CCDC88A: variants seen among roughly 807,000 people sequenced by gnomAD.
CCDC88A encodes the protein girdin.
A neutral mutation model predicts 234.3 loss-of-function variants in CCDC88A; 54 were observed. The ratio of observed to expected loss-of-function variants is 0.23; its 90% CI spans 0.19 to 0.29. The LOEUF (loss-of-function observed/expected upper bound fraction) is 0.29, where lower values mean the gene tolerates loss of function less well. Ranked by LOEUF, CCDC88A falls within the 10% of genes least tolerant of loss-of-function variation. CCDC88A has a pLI of 1.00. For missense variants in CCDC88A, 1,832 were observed against 2,123.4 expected (o/e 0.86, Z 2.70); for synonymous variants, 753 against 737.8 (o/e 1.02, Z -0.33).
intron 12 of CCDC88A, among the ~76,000 whole-genome samples, chr2:55,341,136 CTTTCTTTTTT>C (rs1237567564): frequency 1.9e-5 from 2 of 107,948 alleles, no homozygotes; most frequent in Non-Finnish European, 3.7e-5. Context: ...GACAGAATTT[CTTTCTTTTTT>C]TTTTTTTTTT....
chr2:55,393,722 C>T lies in CCDC88A; in HGVS notation c.165-4836G>A, dbSNP rs565516564. On this transcript the variant is annotated intron_variant, in intron 2 of 32. Transcript: ENST00000436346. Reference sequence around the variant, plus strand: ...ACCATCAGTAAAGGACAGTTTATTTCCACCTTTTCAATCTTGCATTACATT... The same window carrying T: ...ACCATCAGTAAAGGACAGTTTATTTTCACCTTTTCAATCTTGCATTACATT... 3.9e-5 allele frequency among the ~76,000 whole-genome samples: 6 copies of T among 152,226 alleles called. No individual in the cohort carries two copies. The East Asian group carries it at 1.2e-3, about 29-fold the overall frequency.
chr2:55,375,469 C>CTATATATATATATATA (rs869279076), intron 3 of CCDC88A, among the ~76,000 whole-genome samples: 4 of 26,596 alleles, frequency 1.5e-4, no homozygotes, highest in African/African-American at 2.7e-4. Flanking sequence ...TGTCACTGTA[C>CTATATATATATATATA]TATATATATA....
chr2:55,304,926 GACAA>G (rs1448453205), intron 25 of CCDC88A, among the ~76,000 whole-genome samples: 2 of 152,120 alleles, frequency 1.3e-5, no homozygotes, highest in African/African-American at 4.8e-5. Context: ...CAGCTCTTTT[GACAA>G]ACTAACAAGT....
chr2:55,356,369 T>A (rs1333554587), intron 7 of CCDC88A: 1 of 152,206 alleles, frequency 6.6e-6, no homozygotes, highest in Non-Finnish European at 1.5e-5. Flanking sequence ...ATGGTTTATA[T>A]GTAACACAGT....
intron 32 of CCDC88A, 36 bp downstream of exon 32, chr2:55,291,640 G>C: frequency 2.1e-6 from 2 of 944,596 alleles, no homozygotes; most frequent in South Asian, 2.9e-5. Flanking sequence ...GTATAAATGA[G>C]ACTAATCTCA....
At chr2:55,354,991 T>C (rs1160204155) in intron 8 of CCDC88A, among the ~76,000 whole-genome samples, 2 of 149,508 alleles carry the variant, frequency 1.3e-5, no homozygotes, top group African/African-American at 2.5e-5. Context: ...TACTAGATGA[T>C]AGGGATTTTT....
chr2:55,357,605 A>T (rs1670763457), intron 7 of CCDC88A, among the ~76,000 whole-genome samples: 1 of 152,122 alleles, frequency 6.6e-6, no homozygotes, highest in African/African-American at 2.4e-5. Flanking sequence ...TTTCAGCTGT[A>T]CTACTATTCT....
At chr2:55,386,417 T>C (rs182720454) in intron 3 of CCDC88A, among the ~76,000 whole-genome samples, 210 of 152,132 alleles carry the variant, frequency 1.4e-3, no homozygotes, top group African/African-American at 4.7e-3. Flanking sequence ...CTGGGCAACA[T>C]AGTGAGACTC....
intron 2 of CCDC88A, among the ~76,000 whole-genome samples, chr2:55,393,907 T>A (rs1452998583): frequency 6.6e-6 from 1 of 152,216 alleles, no homozygotes; most frequent in East Asian, 1.9e-4. Flanking sequence ...TCCCTTCCAT[T>A]TCTATTCAAT....
intron 12 of CCDC88A, among the ~76,000 whole-genome samples, chr2:55,342,515 A>G (rs1668632890): frequency 6.6e-6 from 1 of 152,220 alleles, no homozygotes; most frequent in African/African-American, 2.4e-5. Flanking sequence ...ACTCTTAACT[A>G]ACACAGTAAT....
chr2:55,417,547 C>A (rs1454377834), intron 2 of CCDC88A: 1 of 151,774 alleles, frequency 6.6e-6, no homozygotes, highest in Non-Finnish European at 1.5e-5. Flanking sequence ...CTCTTTTTTC[C>A]TTTCTTAAGG....
intron 2 of CCDC88A, among the ~76,000 whole-genome samples, chr2:55,409,626 T>G (rs551640683): frequency 6.6e-6 from 1 of 152,080 alleles, no homozygotes; most frequent in Non-Finnish European, 1.5e-5. Flanking sequence ...GTATTACATT[T>G]AGATCCTGAT....
In CCDC88A at chr2:55,296,336, G is replaced by T; in HGVS notation, c.5013C>A (p.Ile1671=). 1 of 1,614,144 alleles carries T rather than the reference G, an allele frequency of 6.2e-7. No individual in the cohort carries two copies. The highest frequency in any genetic ancestry group is 8.5e-7 in the Non-Finnish European group (1 of 1,179,982). ...SETLESRHHK[I]KTGSPGSEVV... is the part of the protein sequence containing the mutation. ...CTTCACTTCCAGGGGAACCAGTTTT[G>T]ATCTTGTGATGTCGACTCTCCAGTG... Residue 1671 remains isoleucine, a synonymous_variant, in exon 30 of 33, where the codon ATC becomes ATA. Transcript: ENST00000436346.
chr2:55,403,715 T>C (rs1226392979), intron 2 of CCDC88A: 2 of 152,246 alleles, frequency 1.3e-5, no homozygotes, highest in Non-Finnish European at 2.9e-5. Flanking sequence ...ATTAGGCAAA[T>C]CAATTCCTGT....
At chr2:55,401,051 T>A (rs1302451670) in intron 2 of CCDC88A, among the ~76,000 whole-genome samples, 2 of 152,054 alleles carry the variant, frequency 1.3e-5, no homozygotes, top group African/African-American at 4.8e-5. Context: ...AGTATCCAAG[T>A]AGTAAGGTAT....
At chr2:55,382,502 G>A (rs1334306728) in intron 3 of CCDC88A, among the ~76,000 whole-genome samples, 1 of 152,096 alleles carries the variant, frequency 6.6e-6, no homozygotes, top group African/African-American at 2.4e-5. Flanking sequence ...CTATGACAGG[G>A]TTCTATAGAC....
chr2:55,407,378 G>A (rs1427461530), intron 2 of CCDC88A, among the ~76,000 whole-genome samples: 2 of 151,876 alleles, frequency 1.3e-5, no homozygotes, highest in Non-Finnish European at 2.9e-5. Context: ...ACTGAGGCAG[G>A]TGCATCATTT....
At chr2:55,370,933 A>G (rs1191823912) in intron 5 of CCDC88A, among the ~76,000 whole-genome samples, 1 of 151,840 alleles carries the variant, frequency 6.6e-6, no homozygotes, top group Non-Finnish European at 1.5e-5. Context: ...GATCATTTGA[A>G]CCCTGGAGGT....
intron 3 of CCDC88A, among the ~76,000 whole-genome samples, chr2:55,376,472 G>C (rs1473503673): frequency 6.6e-6 from 1 of 152,054 alleles, no homozygotes; most frequent in Non-Finnish European, 1.5e-5. Context: ...ATCCACTAGA[G>C]CACTTACCCA....
Sources: allele counts gnomAD v4.1 joint callset (sites outside exome capture counted in the v4.1 genomes callset), GRCh38; gene constraint gnomAD v4.1.1; transcripts MANE v1.5; gene names NCBI Gene and HGNC (gene_info 2026-07-23, HGNC 2026-07-21).